RASEF: variants seen among roughly 807,000 people sequenced by gnomAD.
RASEF encodes the protein RAS and EF-hand domain containing.
Under a neutral mutation model 90.1 loss-of-function variants are expected in RASEF, and 68 were observed. That is an observed-to-expected ratio of 0.75 (90% CI 0.62 to 0.92). The LOEUF (loss-of-function observed/expected upper bound fraction) is 0.92. Ranked by LOEUF, RASEF falls within the 40% of genes least tolerant of loss-of-function variation. The pLI is 0.00. For synonymous variants in RASEF, 331 were observed against 345.2 expected, an observed-to-expected ratio of 0.96 and a Z score of 0.46; for missense variants, 949 against 937.2, an observed-to-expected ratio of 1.01 and a Z score of -0.16.
At chr9:83,060,075 T>C (rs905371564) in intron 1 of RASEF, among the ~76,000 whole-genome samples, 1 of 152,088 alleles carries the variant, frequency 6.6e-6, no homozygotes, top group African/African-American at 2.4e-5. Context: ...ACCAAACATT[T>C]TCCTATTTAA....
At chr9:83,173,794 T>C in the RASEF span, among the ~76,000 whole-genome samples, 1 of 152,090 alleles carries the variant, frequency 6.6e-6, no homozygotes, top group South Asian at 2.1e-4. Context: ...TTCTTGATGC[T>C]TGTGGACTTT....
Position 83,062,536 on chromosome 9 carries a change from G to A in RASEF, c.332C>T (p.Ala111Val), listed in dbSNP as rs1485804779. 2 of 1,607,110 alleles carry A rather than the reference G, an allele frequency of 1.2e-6. No individual in the cohort carries two copies. Among genetic ancestry groups the A allele is most frequent in the Non-Finnish European group, 1.7e-6 (2 of 1,177,296 alleles). The change falls in exon 1 of 17, where the codon GCG becomes GTG. Residue 111 changes from alanine to valine, a missense_variant. By Grantham distance (64) the Ala-to-Val change is moderately conservative. Coordinates refer to ENST00000376447, the MANE Select transcript of RASEF (RefSeq NM_152573.4). ...GCACGAGGTGGCCAGCGCCGCCGCC[G>A]CGTCCTCGTCGCCTTCGTCCTCCTC... Reference protein sequence around the residue: ...DSEEDEGDEDAAAALATSCGP... With the variant: ...DSEEDEGDEDVAAALATSCGP...
At chr9:83,036,986 T>C (rs927125004) in intron 1 of RASEF, among the ~76,000 whole-genome samples, 2 of 152,058 alleles carry the variant, frequency 1.3e-5, no homozygotes, top group African/African-American at 4.8e-5. Context: ...CATACAGTGG[T>C]ATCATTAGCC....
the RASEF span, among the ~76,000 whole-genome samples, chr9:83,161,371 T>C: frequency 6.6e-6 from 1 of 152,170 alleles, no homozygotes; most frequent in African/African-American, 2.4e-5. Context: ...GAGATCATTT[T>C]GGAGCTTTAA....
intron 16 of RASEF, 85 bp from the exon 17 acceptor site, chr9:82,982,867 G>A: frequency 1.3e-6 from 1 of 798,008 alleles, no homozygotes; most frequent in East Asian, 2.5e-5. Context: ...GCCACAGATG[G>A]TTCTGTAGAA....
At chr9:83,199,431 T>C in the RASEF span, among the ~76,000 whole-genome samples, 55 of 152,240 alleles carry the variant, frequency 3.6e-4, no homozygotes, top group African/African-American at 1.1e-3. Context: ...AGCCTGCATG[T>C]TGAGACAGCA....
At chr9:83,134,781 A>C in the RASEF span, among the ~76,000 whole-genome samples, 1 of 152,100 alleles carries the variant, frequency 6.6e-6, no homozygotes, top group African/African-American at 2.4e-5. Context: ...ATTGAAAATA[A>C]ACACATGTCT....
chr9:83,082,663 G>C, the RASEF span, among the ~76,000 whole-genome samples: 1 of 152,150 alleles, frequency 6.6e-6, no homozygotes. Flanking sequence ...CTGTAACAGG[G>C]TTTAAACACA....
At chr9:83,144,254 T>C in the RASEF span, among the ~76,000 whole-genome samples, 1 of 147,638 alleles carries the variant, frequency 6.8e-6, no homozygotes, top group African/African-American at 2.5e-5. Context: ...TGGTGCAATA[T>C]ACCCATGTAA....
chr9:83,217,092 G>A, the RASEF span, among the ~76,000 whole-genome samples: 1 of 151,826 alleles, frequency 6.6e-6, no homozygotes, highest in Non-Finnish European at 1.5e-5. Context: ...GAACTTTAAA[G>A]TTTAATGACT....
intron 1 of RASEF, among the ~76,000 whole-genome samples, chr9:83,037,655 A>T (rs1829767353): frequency 6.6e-6 from 1 of 151,348 alleles, no homozygotes; most frequent in African/African-American, 2.4e-5. Flanking sequence ...TGCAATAGTC[A>T]TTTTCTCTCA....
At chr9:83,178,383 C>T in the RASEF span, among the ~76,000 whole-genome samples, 1 of 152,288 alleles carries the variant, frequency 6.6e-6, no homozygotes, top group Non-Finnish European at 1.5e-5. Context: ...CATAGTTTCA[C>T]TATTCCAGCC....
chr9:83,165,970 G>C, the RASEF span, among the ~76,000 whole-genome samples: 3 of 152,060 alleles, frequency 2.0e-5, no homozygotes, highest in Non-Finnish European at 4.4e-5. Context: ...GAAAAATTGG[G>C]TAATCTGAAT....
At chr9:83,107,559 C>T in the RASEF span, among the ~76,000 whole-genome samples, 4 of 152,132 alleles carry the variant, frequency 2.6e-5, no homozygotes, top group African/African-American at 9.7e-5. Flanking sequence ...CGGTTTTTGA[C>T]CTATCGCTCT....
the RASEF span, among the ~76,000 whole-genome samples, chr9:83,174,057 C>T: frequency 6.6e-6 from 1 of 151,462 alleles, no homozygotes; most frequent in East Asian, 1.9e-4. Flanking sequence ...TACACAAATC[C>T]AATACTAGAT....
At chr9:83,181,185 TAA>T in the RASEF span, among the ~76,000 whole-genome samples, 5 of 139,838 alleles carry the variant, frequency 3.6e-5, no homozygotes, top group African/African-American at 5.3e-5. Context: ...AGCCTGATCT[TAA>T]AAAAAAAAAA....
intron 9 of RASEF, among the ~76,000 whole-genome samples, chr9:83,003,282 A>G (rs987282971): frequency 4.6e-5 from 7 of 152,140 alleles, no homozygotes; most frequent in African/African-American, 7.2e-5. Flanking sequence ...ATTACAGCTC[A>G]AGGAGGTAGG....
chr9:83,070,850 A>C, the RASEF span, among the ~76,000 whole-genome samples: 1 of 152,148 alleles, frequency 6.6e-6, no homozygotes, highest in Non-Finnish European at 1.5e-5. Context: ...ATTTTGTTAA[A>C]TTTATCCCTA....
chr9:83,022,388 T>C lies in RASEF; in HGVS notation c.617A>G (p.Glu206Gly). 1 of 1,614,080 alleles carries C rather than the reference T, an allele frequency of 6.2e-7. No homozygotes were observed. The highest frequency in any genetic ancestry group is 1.7e-5 in the Admixed American group (1 of 60,008). Residue 206 changes from glutamate (E) to glycine (G), a missense_variant, in exon 3 of 17, where the codon GAA becomes GGA. Glu to Gly is a moderately conservative substitution (Grantham distance 98, BLOSUM62 -2). Coordinates refer to ENST00000376447, the MANE Select transcript of RASEF (RefSeq NM_152573.4). ...CTGAATCCTCTGATCCATTTCCTCT[T>C]CCAACTCACTCAACTGCATAGCTGC... Reference protein sequence around the residue: ...DKAAMQLSELEEEMDQRIQAA... With the variant: ...DKAAMQLSELGEEMDQRIQAA...
Sources: allele counts gnomAD v4.1 joint callset (sites outside exome capture counted in the v4.1 genomes callset), GRCh38; gene constraint gnomAD v4.1.1; transcripts MANE v1.5; gene names NCBI Gene and HGNC (gene_info 2026-07-23, HGNC 2026-07-21).